SH3BP5: variants seen among roughly 807,000 people sequenced by gnomAD.
SH3BP5 encodes the protein SH3 domain-binding protein 5.
In SH3BP5, 22 loss-of-function variants were observed where a neutral mutation model predicts 43.3. The ratio of observed to expected loss-of-function variants is 0.51; its 90% confidence interval spans 0.36 to 0.73. The LOEUF (loss-of-function observed/expected upper bound fraction) is 0.73. SH3BP5 is among the 30% of genes least tolerant of loss of function. SH3BP5 has a pLI of 0.00. For synonymous variants in SH3BP5, 255 were observed against 225.8 expected (o/e 1.13, Z -1.16); for missense variants, 529 against 586.9 (o/e 0.90, Z 1.02).
intron 2 of SH3BP5, among the ~76,000 whole-genome samples, chr3:15,320,638 A>ACG (rs1698302126): frequency 7.1e-6 from 1 of 141,810 alleles, no homozygotes; most frequent in Non-Finnish European, 1.5e-5. Flanking sequence ...ACACACACAC[A>ACG]CACCCCACTA....
At chr3:15,275,272 A>C (rs560755013) in intron 3 of SH3BP5, among the ~76,000 whole-genome samples, 3 of 152,390 alleles carry the variant, frequency 2.0e-5, no homozygotes, top group East Asian at 3.9e-4. Flanking sequence ...AACTGAGGAA[A>C]GTTTAACTGC....
At chr3:15,289,151 T>A (rs1697341769) in intron 3 of SH3BP5, among the ~76,000 whole-genome samples, 3 of 152,196 alleles carry the variant, frequency 2.0e-5, no homozygotes, top group Non-Finnish European at 4.4e-5. Context: ...GAAGATAAAC[T>A]ATAGTACCAA....
At chr3:15,296,341 T>TATATACAC (rs1553616951) in intron 3 of SH3BP5, among the ~76,000 whole-genome samples, 1 of 146,160 alleles carries the variant, frequency 6.8e-6, no homozygotes, top group African/African-American at 2.5e-5. Context: ...GGAAATCATA[T>TATATACAC]ACACACACAC....
At chr3:15,319,962 G>A (rs200110080) in intron 2 of SH3BP5, among the ~76,000 whole-genome samples, 3 of 152,108 alleles carry the variant, frequency 2.0e-5, no homozygotes, top group Non-Finnish European at 4.4e-5. Context: ...ATTACGGCTT[G>A]GGATAATTTG....
At chr3:15,334,616 G>T (rs1698679784), upstream of SH3BP5, among the ~76,000 whole-genome samples, 1 of 151,912 alleles carries the variant, frequency 6.6e-6, no homozygotes, top group Admixed American at 6.6e-5. Context: ...TATTTGCATT[G>T]TATTAGGTAT....
chr3:15,254,849 A>G lies in SH3BP5; in HGVS notation c.*1237T>C, dbSNP rs150004928. 7.2e-3 allele frequency: 1,104 copies of G among 152,314 alleles called. 12 individuals carry two copies. Among genetic ancestry groups the G allele is most frequent in the African/African-American group, 0.023 (972 of 41,566 alleles). 9.4% of individuals were successfully genotyped at this position (152,314 alleles called of 1,614,324 possible). Reference sequence around the variant, plus strand: ...TCTTATTTGAAGTCACAGAAAGGAGAAACTTTTCTCAAGCCGTTTTTATTA... The same window carrying G: ...TCTTATTTGAAGTCACAGAAAGGAGGAACTTTTCTCAAGCCGTTTTTATTA... On this transcript the variant is annotated 3_prime_UTR_variant, in exon 9 of 9. Transcript: ENST00000383791.
chr3:15,325,880 G>A (rs538413673), intron 2 of SH3BP5, among the ~76,000 whole-genome samples: 5 of 152,238 alleles, frequency 3.3e-5, no homozygotes, highest in African/African-American at 7.2e-5. Flanking sequence ...ATTAGCCAGC[G>A]TGGTGGTGTG....
chr3:15,329,105 A>C (rs376061200), intron 2 of SH3BP5, among the ~76,000 whole-genome samples: 16 of 151,942 alleles, frequency 1.1e-4, no homozygotes, highest in African/African-American at 2.7e-4. Flanking sequence ...AGCAGACATC[A>C]CACCACTGCA....
At position 15,328,419 on chromosome 3, in the gene SH3BP5, TAA is replaced by T. The variant is rs56022759; in HGVS notation, c.201+2083_201+2084del. 3.6e-3 allele frequency among the ~76,000 whole-genome samples: 503 copies of T among 140,214 alleles called. 4 individuals carry two copies. The highest frequency in any genetic ancestry group is 0.012 in the African/African-American group (452 of 37,758). 92.0% of individuals were successfully genotyped at this position (140,214 alleles called of 152,430 possible). The stretch of plus-strand genomic sequence containing the variant: ...AGCAACTAGAATCAATCAATGCTTT[TAA>T]AAAAAAAAAAAAAAGACTATTTCCA... On this transcript the variant is annotated intron_variant, in intron 2 of 8. Coordinates refer to ENST00000383791, the MANE Select transcript of SH3BP5 (RefSeq NM_004844.5).
intron 3 of SH3BP5, chr3:15,273,085 C>T (rs535043083): frequency 3.6e-4 from 355 of 978,968 alleles, no homozygotes; most frequent in Non-Finnish European, 4.2e-4. Flanking sequence ...AAAAGCCACT[C>T]CACCCCCTAC....
intron 2 of SH3BP5, among the ~76,000 whole-genome samples, chr3:15,322,880 G>A (rs1698367086): frequency 6.6e-6 from 1 of 152,066 alleles, no homozygotes; most frequent in South Asian, 2.1e-4. Context: ...AGTAGCTCAC[G>A]CCTGTAATAC....
chr3:15,330,396 G>T, intron 2 of SH3BP5, 108 bp downstream of exon 2: 1 of 887,124 alleles, frequency 1.1e-6, no homozygotes, highest in African/African-American at 1.6e-5. Context: ...CAACTCCCAA[G>T]GAGGGGGGTC....
intron 3 of SH3BP5, among the ~76,000 whole-genome samples, chr3:15,300,588 G>A (rs1411075666): frequency 6.6e-6 from 1 of 152,128 alleles, no homozygotes; most frequent in African/African-American, 2.4e-5. Context: ...CATCAGGAAG[G>A]TGAGAGGAAC....
chr3:15,311,639 G>T (rs1423095064), intron 2 of SH3BP5, among the ~76,000 whole-genome samples: 1 of 152,148 alleles, frequency 6.6e-6, no homozygotes, highest in African/African-American at 2.4e-5. Context: ...ACTATCAAGT[G>T]TCAAGCGTTA....
intron 1 of SH3BP5, chr3:15,332,045 C>T: frequency 1.6e-6 from 1 of 629,230 alleles, no homozygotes; most frequent in East Asian, 3.3e-5. Flanking sequence ...TACGGGTCGG[C>T]GGGGGACTCC....
rs373879792 is a variant in SH3BP5 at position 15,320,640 on chromosome 3, A to ACACACACACACACACGCT, written c.201+9863_201+9864insAGCGTGTGTGTGTGTGTG. On this transcript the variant is annotated intron_variant, in intron 2 of 8. Transcript: ENST00000383791. Reference sequence around the variant, plus strand: ...CACACACACACACACACACACACACACCCCACTACGTTAAAGTCCCTACAA... The same window carrying ACACACACACACACACGCT: ...CACACACACACACACACACACACACACACACACACACACACGCTCCCCACTACGTTAAAGTCCCTACAA... Among the ~76,000 whole-genome samples, 1,359 of 149,634 alleles carry ACACACACACACACACGCT rather than the reference A, an allele frequency of 9.1e-3. 14 individuals carry two copies. The highest frequency in any genetic ancestry group is 0.016 in the Admixed American group (240 of 15,002).
At chr3:15,326,969 G>A (rs1575354364) in intron 2 of SH3BP5, among the ~76,000 whole-genome samples, 1 of 152,170 alleles carries the variant, frequency 6.6e-6, no homozygotes, top group African/African-American at 2.4e-5. Flanking sequence ...ATCAGTTGAT[G>A]AAAATGTGAC....
intron 2 of SH3BP5, among the ~76,000 whole-genome samples, chr3:15,323,293 A>T (rs561976923): frequency 1.3e-5 from 2 of 151,986 alleles, no homozygotes; most frequent in South Asian, 2.1e-4. Flanking sequence ...CCTCCCTCTG[A>T]CCCCCTTCCC....
intron 3 of SH3BP5, among the ~76,000 whole-genome samples, chr3:15,274,795 C>T (rs937810709): frequency 1.3e-5 from 2 of 152,226 alleles, no homozygotes; most frequent in South Asian, 2.1e-4. Context: ...ATCTACCTGC[C>T]TCGGCCTCCC....
Sources: allele counts gnomAD v4.1 joint callset (sites outside exome capture counted in the v4.1 genomes callset), GRCh38; gene constraint gnomAD v4.1.1; transcripts MANE v1.5; gene names NCBI Gene and HGNC (gene_info 2026-07-23, HGNC 2026-07-21).